Variants in TRIM24 observed in about 807,000 individuals in gnomAD.
TRIM24 encodes tripartite motif containing 24.
A neutral mutation model predicts 123.9 loss-of-function variants in TRIM24; 29 were observed. The ratio of observed to expected loss-of-function variants is 0.23; its 90% confidence interval spans 0.17 to 0.32. TRIM24 has a LOEUF of 0.32. TRIM24 is among the 10% of genes least tolerant of loss of function. TRIM24 has a pLI of 1.00. For missense variants in TRIM24, 932 were observed against 1,295.3 expected (o/e 0.72, Z 4.31); for synonymous variants, 456 against 461.1 (o/e 0.99, Z 0.14).
chr7:138,541,280 C>T (rs35040235), intron 7 of TRIM24, among the ~76,000 whole-genome samples: 2,699 of 151,986 alleles, frequency 0.018, 40 homozygotes, highest in South Asian at 0.063. Flanking sequence ...GAGACCCTGT[C>T]GCTACCAAAA....
chr7:138,508,790 G>GT (rs1035810835), intron 2 of TRIM24, among the ~76,000 whole-genome samples: 10 of 151,682 alleles, frequency 6.6e-5, no homozygotes, highest in African/African-American at 2.4e-4. Context: ...CTCCCTTGCT[G>GT]TTTTTTCTGT....
chr7:138,539,749 C>A (rs1796965010), intron 7 of TRIM24, among the ~76,000 whole-genome samples: 1 of 150,668 alleles, frequency 6.6e-6, no homozygotes, highest in Non-Finnish European at 1.5e-5. Flanking sequence ...TGTAACTGTG[C>A]AGTAGTATTA....
At chr7:138,467,704 G>A (rs538395420) in intron 1 of TRIM24, among the ~76,000 whole-genome samples, 2 of 152,072 alleles carry the variant, frequency 1.3e-5, no homozygotes, top group Admixed American at 6.6e-5. Flanking sequence ...TTAAATTCTC[G>A]GCACTGTCTT....
chr7:138,547,614 G>A (rs1797127810), intron 7 of TRIM24, among the ~76,000 whole-genome samples: 1 of 152,026 alleles, frequency 6.6e-6, no homozygotes, highest in South Asian at 2.1e-4. Context: ...CTTATGGTTA[G>A]CATGACTGCT....
chr7:138,488,097 T>A (rs908271405), intron 1 of TRIM24, among the ~76,000 whole-genome samples: 9 of 152,240 alleles, frequency 5.9e-5, no homozygotes, highest in Non-Finnish European at 1.2e-4. Flanking sequence ...CAGGAATTTA[T>A]CCATTTCTTC....
chr7:138,520,359 C>T (rs1203822564), intron 4 of TRIM24, among the ~76,000 whole-genome samples: 1 of 152,212 alleles, frequency 6.6e-6, no homozygotes, highest in African/African-American at 2.4e-5. Flanking sequence ...ATATCGCTGG[C>T]TCCTCAAGTT....
At chr7:138,480,607 GT>G (rs1701413557) in intron 1 of TRIM24, among the ~76,000 whole-genome samples, 1 of 152,102 alleles carries the variant, frequency 6.6e-6, no homozygotes, top group African/African-American at 2.4e-5. Context: ...GAGTCCTGAG[GT>G]TTTGGTGTGT....
At chr7:138,533,306 G>A (rs1041505730) in intron 6 of TRIM24, among the ~76,000 whole-genome samples, 1 of 152,108 alleles carries the variant, frequency 6.6e-6, no homozygotes, top group African/African-American at 2.4e-5. Context: ...GTTTTCAAAG[G>A]GAATGCTTCC....
rs1164292847 is a variant in TRIM24 at position 138,586,992 on chromosome 7, A to G, written c.*2041A>G. The stretch of plus-strand genomic sequence containing the variant: ...AAACAGTATTTGTTTCACCCTAACC[A>G]TCTTTGGCTGAATGAAAGGCAGTTG... On this transcript the variant is annotated 3_prime_UTR_variant, in exon 19 of 19. Transcript: ENST00000343526. 6.6e-6 allele frequency: 1 copy of G among 152,210 alleles called. No homozygotes were observed. Among genetic ancestry groups the G allele is most frequent in the Non-Finnish European group, 1.5e-5 (1 of 68,032 alleles). The allele number at this position is 152,210 out of a possible 1,614,324, so 9.4% of individuals were successfully genotyped here. A position where few individuals can be genotyped will look rare whatever the true frequency, so the allele number is the denominator to read the frequency against.
chr7:138,496,206 G>T (rs182567590), intron 1 of TRIM24, among the ~76,000 whole-genome samples: 5 of 152,160 alleles, frequency 3.3e-5, no homozygotes, highest in Non-Finnish European at 7.4e-5. Flanking sequence ...TCTCAACTGT[G>T]TTGAGTCTAC....
intron 1 of TRIM24, among the ~76,000 whole-genome samples, chr7:138,487,274 T>A (rs1289390204): frequency 6.6e-6 from 1 of 152,226 alleles, no homozygotes; most frequent in Non-Finnish European, 1.5e-5. Context: ...TACAATCATG[T>A]CATCTGCAAA....
intron 1 of TRIM24, among the ~76,000 whole-genome samples, chr7:138,487,197 A>G (rs924655852): frequency 2.6e-5 from 4 of 152,218 alleles, no homozygotes. Flanking sequence ...TTGTATCCTG[A>G]GACTTTGCTG....
intron 4 of TRIM24, among the ~76,000 whole-genome samples, chr7:138,521,079 T>G (rs1796495705): frequency 6.6e-6 from 1 of 152,228 alleles, no homozygotes; most frequent in African/African-American, 2.4e-5. Context: ...AATCTAAAAT[T>G]CTGTACCTGG....
intron 14 of TRIM24, 52 bp from the exon 15 acceptor site, chr7:138,579,152 A>T: frequency 6.9e-7 from 1 of 1,443,290 alleles, no homozygotes; most frequent in Non-Finnish European, 9.4e-7. Flanking sequence ...GAATTGCATT[A>T]GTGATAAAAT....
rs758502966 is a variant in TRIM24 at position 138,504,458 on chromosome 7, T to G, written c.483+50T>G. 1,184 of 1,154,666 alleles carry G rather than the reference T, an allele frequency of 1.0e-3. 8 individuals carry two copies. Among genetic ancestry groups the G allele is most frequent in the Middle Eastern group, 2.3e-3 (10 of 4,392 alleles). 71.5% of individuals were successfully genotyped at this position (1,154,666 alleles called of 1,614,324 possible). A position where few individuals can be genotyped will look rare whatever the true frequency, so the allele number is the denominator to read the frequency against. ...TTTGCCTGCCAGCTCTTTTTTTTTT[T>G]TTTTTTTTTTTTTTTGAGACAGAGT... On this transcript the variant is annotated intron_variant, in intron 2 of 18. Transcript: ENST00000343526.
rs768015150 is a variant in TRIM24, at chr7:138,584,955, G to C, written c.*4G>C. 6.2e-7 allele frequency: 1 copy of C among 1,601,392 alleles called. No homozygotes were observed. The highest frequency in any genetic ancestry group is 1.1e-5 in the South Asian group (1 of 86,968). The stretch of plus-strand genomic sequence containing the variant: ...AGAACGCCAGTTGCTTAAATAATAT[G>C]CAGCACCACTAGCTTGTGCTGGTTT... On this transcript the variant is annotated 3_prime_UTR_variant, in exon 19 of 19. Coordinates refer to ENST00000343526, the MANE Select transcript of TRIM24 (RefSeq NM_015905.3).
At chr7:138,486,972 C>A (rs980511000) in intron 1 of TRIM24, among the ~76,000 whole-genome samples, 9 of 152,208 alleles carry the variant, frequency 5.9e-5, no homozygotes, top group South Asian at 4.1e-4. Context: ...ATCCATGAGC[C>A]TGGAATGTTC....
intron 4 of TRIM24, among the ~76,000 whole-genome samples, chr7:138,522,618 G>A (rs2116571091): frequency 1.3e-5 from 2 of 151,936 alleles, no homozygotes; most frequent in East Asian, 1.9e-4. Flanking sequence ...TAAGAAACAT[G>A]GTCTATAGTT....
chr7:138,567,957 C>A (rs1797569662), intron 10 of TRIM24, among the ~76,000 whole-genome samples: 1 of 151,998 alleles, frequency 6.6e-6, no homozygotes, highest in African/African-American at 2.4e-5. Flanking sequence ...CTAACAAATA[C>A]AAGTTACATT....
Sources: gnomAD v4.1 joint callset for allele counts (sites outside exome capture counted in the v4.1 genomes callset) on GRCh38, gnomAD v4.1.1 for gene constraint, MANE v1.5 for transcripts, NCBI Gene and HGNC (gene_info 2026-07-23, HGNC 2026-07-21) for gene names.